HMCN1: variants seen among roughly 807,000 people sequenced by gnomAD.
The protein encoded by HMCN1 is hemicentin 1.
Under a neutral mutation model 625.9 loss-of-function variants are expected in HMCN1, and 321 were observed. That is an observed-to-expected ratio of 0.51 (90% confidence interval 0.47 to 0.56). HMCN1 has a LOEUF of 0.56. Ranked by LOEUF, HMCN1 falls within the 20% of genes least tolerant of loss-of-function variation. HMCN1 has a pLI of 0.00. For synonymous variants in HMCN1, 2,425 were observed against 2,417.6 expected, an observed-to-expected ratio of 1.00 and a Z score of -0.09; for missense variants, 6,588 against 6,887.3, an observed-to-expected ratio of 0.96 and a Z score of 1.54.
intron 101 of HMCN1, 68 bp from the exon 102 acceptor site, chr1:186,171,937 GT>G (rs1652257469): frequency 6.7e-7 from 1 of 1,485,996 alleles, no homozygotes; most frequent in African/African-American, 1.4e-5. Context: ...AAATCCAAAA[GT>G]ATGATTTCTC....
chr1:185,906,951 A>ATT (rs573094693), intron 4 of HMCN1, among the ~76,000 whole-genome samples: 152 of 108,654 alleles, frequency 1.4e-3, no homozygotes, highest in Admixed American at 9.7e-3. Context: ...AATCCTTTCT[A>ATT]TTTTTTTTTT....
chr1:185,910,999 A>G (rs1214480641), intron 5 of HMCN1, among the ~76,000 whole-genome samples: 1 of 152,144 alleles, frequency 6.6e-6, no homozygotes, highest in Non-Finnish European at 1.5e-5. Flanking sequence ...GACACTTTAG[A>G]TAAATGTCAG....
rs774519531 is a variant in HMCN1, at chr1:186,023,042, G to T, written c.5638G>T (p.Gly1880Cys). Reference sequence around the variant, plus strand: ...TGCTCCCAATTAGATACAGTCTTCTGGTCGAGTTCTACAAATTGCCAAAAC... The same window carrying T: ...TGCTCCCAATTAGATACAGTCTTCTTGTCGAGTTCTACAAATTGCCAAAAC... ...AQGNLKIQSS[G>C]RVLQIAKTLL... The change falls in exon 36 of 107, where the codon GGT becomes TGT. Residue 1880 changes from glycine (G) to cysteine (C), a missense_variant. By Grantham distance (159) the Gly-to-Cys change is radical. Coordinates refer to ENST00000271588, the MANE Select transcript of HMCN1 (RefSeq NM_031935.3). 8 of 1,613,308 alleles carry T rather than the reference G, an allele frequency of 5.0e-6. No homozygotes were observed. In the South Asian group the frequency reaches 5.5e-5, roughly 11 times the overall value.
At chr1:185,928,957 T>A (rs1318191441) in intron 10 of HMCN1, among the ~76,000 whole-genome samples, 1 of 152,134 alleles carries the variant, frequency 6.6e-6, no homozygotes, top group Non-Finnish European at 1.5e-5. Flanking sequence ...TGATATGTAA[T>A]ATATGCAAGG....
At position 186,182,187 on chromosome 1, in the gene HMCN1, T is replaced by C. The variant is rs1652975772; in HGVS notation, c.16314T>C (p.Asn5438=). 6.2e-7 allele frequency: 1 copy of C among 1,613,354 alleles called. No homozygotes were observed. Among genetic ancestry groups the C allele is most frequent in the South Asian group, 1.1e-5 (1 of 91,070 alleles). ...DTCVDIDECE[N]TDACQHECKN... is the part of the protein sequence containing the mutation. ...GAACAGATATTGATGAATGTGAAAATACAGATGCCTGCCAGCATGAGTGTA... is the reference window on the plus strand; with the variant it reads ...GAACAGATATTGATGAATGTGAAAACACAGATGCCTGCCAGCATGAGTGTA... The change falls in exon 105 of 107, where the codon AAT becomes AAC. Residue 5438 remains asparagine, a synonymous_variant. Transcript: ENST00000271588.
chr1:185,791,490 C>A (rs546005881), intron 1 of HMCN1, among the ~76,000 whole-genome samples: 1 of 152,040 alleles, frequency 6.6e-6, no homozygotes, highest in African/African-American at 2.4e-5. Flanking sequence ...GAGGACGAGG[C>A]GGGTGGATCA....
chr1:186,105,856 C>G (rs1368526998), intron 69 of HMCN1, among the ~76,000 whole-genome samples: 1 of 152,032 alleles, frequency 6.6e-6, no homozygotes, highest in Non-Finnish European at 1.5e-5. Flanking sequence ...TGTGAATGAA[C>G]AGAGTTGGGA....
intron 13 of HMCN1, among the ~76,000 whole-genome samples, chr1:185,964,568 A>G (rs763882182): frequency 5.3e-5 from 8 of 152,234 alleles, no homozygotes; most frequent in Non-Finnish European, 1.0e-4. Flanking sequence ...ACTTGAAGGT[A>G]TAGGTGAGGG....
chr1:186,087,152 T>C (rs968240439), intron 58 of HMCN1, 65 bp from the exon 59 acceptor site: 4 of 966,890 alleles, frequency 4.1e-6, no homozygotes, highest in South Asian at 1.3e-5. Context: ...ATTTATCTGA[T>C]TGGTAAAATA....
intron 57 of HMCN1, among the ~76,000 whole-genome samples, chr1:186,084,918 T>C (rs1005903332): frequency 2.6e-5 from 4 of 152,034 alleles, no homozygotes; most frequent in Non-Finnish European, 4.4e-5. Context: ...AGTAACATGC[T>C]CAAAATTACA....
chr1:186,146,681 T>C lies in HMCN1; in HGVS notation c.14608+758T>C, dbSNP rs146387495. On this transcript the variant is annotated intron_variant, in intron 93 of 106. Transcript: ENST00000271588. ...AGGACCTAGACAAGCTGAAGGAAGT[T>C]GATAGTCCACTACCATCAACAACTG... is the stretch of plus-strand genomic sequence containing the variant. 4.9e-3 allele frequency among the ~76,000 whole-genome samples: 747 copies of C among 152,306 alleles called. 4 individuals carry two copies. Among genetic ancestry groups the C allele is most frequent in the Non-Finnish European group, 7.4e-3 (500 of 68,026 alleles).
chr1:186,087,219 G>C lies in HMCN1; in HGVS notation c.9049G>C (p.Gly3017Arg), dbSNP rs772406590. Residue 3017 changes from glycine (G) to arginine (R), a missense_variant and splice_region_variant, in exon 59 of 107, where the codon GGT (glycine) becomes CGT (arginine). By Grantham distance (125) the Gly-to-Arg change is moderately radical. Transcript: ENST00000271588. ...ATTTGCATTCTATTTACCTACAGGT[G>C]GTCGAACTCTACAGATTATTCGGGC... is the stretch of plus-strand genomic sequence containing the variant. ...LNTNTLIVPG[G>R]RTLQIIRAKV... 5 of 1,600,714 alleles carry C rather than the reference G, an allele frequency of 3.1e-6. No homozygotes were observed. In the East Asian group the frequency reaches 6.7e-5, roughly 21 times the overall value.
At chr1:186,086,139 C>T (rs1010708524) in intron 57 of HMCN1, 107 bp from the exon 58 acceptor site, 8 of 996,350 alleles carry the variant, frequency 8.0e-6, no homozygotes, top group African/African-American at 3.2e-5. Context: ...TGAACAGAAT[C>T]GTTAACTCAG....
intron 105 of HMCN1, among the ~76,000 whole-genome samples, chr1:186,185,989 A>T (rs931001980): frequency 6.6e-6 from 1 of 152,186 alleles, no homozygotes; most frequent in Non-Finnish European, 1.5e-5. Flanking sequence ...AAAGTTTCTT[A>T]TAAGTTTAAA....
intron 105 of HMCN1, among the ~76,000 whole-genome samples, chr1:186,186,585 GC>G (rs2102679450): frequency 6.6e-6 from 1 of 152,176 alleles, no homozygotes; most frequent in East Asian, 1.9e-4. Context: ...ATAAAATAAG[GC>G]CTGCCAGCCA....
At chr1:186,064,660 A>T (rs1657989344) in intron 48 of HMCN1, among the ~76,000 whole-genome samples, 1 of 151,938 alleles carries the variant, frequency 6.6e-6, no homozygotes, top group Non-Finnish European at 1.5e-5. Context: ...ATACAAAAAA[A>T]TTAGCCGGGT....
intron 4 of HMCN1, among the ~76,000 whole-genome samples, chr1:185,902,696 G>C (rs912148866): frequency 1.3e-5 from 2 of 151,342 alleles, no homozygotes; most frequent in African/African-American, 2.4e-5. Context: ...CCCTAACTAG[G>C]GGTTGTTTTT....
chr1:186,144,276 G>C lies in HMCN1; in HGVS notation c.14028G>C (p.Ala4676=), dbSNP rs115782304. The change falls in exon 90 of 107, where the codon GCG becomes GCC. Residue 4676 remains alanine (A), a synonymous_variant. Transcript: ENST00000271588. ...GACTTTGTAATAACCCACCACCAGC[G>C]TTTGGTGGGTCCTACTGTGATGGAG... The part of the protein sequence containing the change: ...RARLCNNPPP[A]FGGSYCDGAE... 2 of 1,613,704 alleles carry C rather than the reference G, an allele frequency of 1.2e-6. No individual in the cohort carries two copies. Among genetic ancestry groups the C allele is most frequent in the Admixed American group, 1.7e-5 (1 of 60,002 alleles).
chr1:186,117,536 T>G lies in HMCN1; in HGVS notation c.11761T>G (p.Ser3921Ala). The G allele has an allele frequency of 1.9e-6, 3 of 1,613,848 alleles. No individual in the cohort carries two copies. Among genetic ancestry groups the G allele is most frequent in the Non-Finnish European group, 2.5e-6 (3 of 1,179,792 alleles). The change falls in exon 77 of 107, where the codon TCG becomes GCG. Residue 3921 changes from serine to alanine, a missense_variant. Physicochemically the swap from Ser to Ala is moderately conservative, Grantham distance 99. Coordinates refer to ENST00000271588, the MANE Select transcript of HMCN1 (RefSeq NM_031935.3). ...CCCAGCAGTAATTACCTGCACTGCT[T>G]CGGGAGTTCCATTTCCCTCAATTCA... Reference protein sequence around the residue: ...HAPAVITCTASGVPFPSIHWT... With the variant: ...HAPAVITCTAAGVPFPSIHWT...
Sources: gnomAD v4.1 joint callset for allele counts (sites outside exome capture counted in the v4.1 genomes callset) on GRCh38, gnomAD v4.1.1 for gene constraint, MANE v1.5 for transcripts, NCBI Gene and HGNC (gene_info 2026-07-23, HGNC 2026-07-21) for gene names.